EEPD1: variants seen among roughly 807,000 people sequenced by gnomAD.
EEPD1 encodes endonuclease/exonuclease/phosphatase family domain-containing protein 1.
A neutral mutation model predicts 46.3 loss-of-function variants in EEPD1; 17 were observed. That is an observed-to-expected ratio of 0.37 (90% CI 0.25 to 0.55). The LOEUF is 0.55. EEPD1 is among the 20% of genes least tolerant of loss of function. The probability of loss-of-function intolerance (pLI) is 0.83; values close to 1 mark genes in which losing one functional copy is unlikely to be tolerated. For synonymous variants in EEPD1, 313 were observed against 315.6 expected (o/e 0.99, Z 0.09); for missense variants, 673 against 745.6 (o/e 0.90, Z 1.13).
At chr7:36,208,531 T>C (rs557922006) in intron 2 of EEPD1, among the ~76,000 whole-genome samples, 10 of 152,238 alleles carry the variant, frequency 6.6e-5, no homozygotes, top group East Asian at 3.9e-4. Flanking sequence ...TGGTTGGGCA[T>C]TGGGGGTGTG....
In EEPD1 at chr7:36,153,447, G is replaced by A. The variant is rs768704061; in HGVS notation, c.-420G>A. The stretch of plus-strand genomic sequence containing the variant: ...CCGCCGCTGCCGCCGCCTCCGAGCA[G>A]CCCTGCGGCTTCTATTCACTCTGGG... On this transcript the variant is annotated 5_prime_UTR_variant, in exon 1 of 8. Coordinates refer to ENST00000242108, the MANE Select transcript of EEPD1 (RefSeq NM_030636.3). 1 of 152,242 alleles carries A rather than the reference G, an allele frequency of 6.6e-6. No individual in the cohort carries two copies. The highest frequency in any genetic ancestry group is 6.5e-5 in the Admixed American group (1 of 15,284). The allele number at this position is 152,242 out of a possible 1,614,324, so 9.4% of individuals were successfully genotyped here. A position where few individuals can be genotyped will look rare whatever the true frequency, so the allele number is the denominator to read the frequency against.
chr7:36,280,310 G>A (rs1019928242), intron 3 of EEPD1, among the ~76,000 whole-genome samples: 4 of 152,208 alleles, frequency 2.6e-5, no homozygotes, highest in African/African-American at 9.7e-5. Context: ...AGCGGAGAGA[G>A]TGGTGATGTG....
intron 2 of EEPD1, among the ~76,000 whole-genome samples, chr7:36,190,082 A>G (rs1785435015): frequency 6.6e-6 from 1 of 152,200 alleles, no homozygotes; most frequent in African/African-American, 2.4e-5. Context: ...TACAAAACAC[A>G]TAGTGAAGGC....
At chr7:36,178,957 G>A (rs1583790012) in intron 2 of EEPD1, among the ~76,000 whole-genome samples, 1 of 152,348 alleles carries the variant, frequency 6.6e-6, no homozygotes, top group East Asian at 1.9e-4. Flanking sequence ...GAATTCTGGG[G>A]ATTTGATTTA....
At chr7:36,297,224 G>A (rs1290529100) in intron 7 of EEPD1, 37 bp downstream of exon 7, 1 of 1,603,634 alleles carries the variant, frequency 6.2e-7, no homozygotes. Context: ...TCCTGTTCAG[G>A]AATGGAGTGA....
chr7:36,238,359 A>G (rs1391038624), intron 2 of EEPD1, among the ~76,000 whole-genome samples: 1 of 152,202 alleles, frequency 6.6e-6, no homozygotes, highest in Non-Finnish European at 1.5e-5. Flanking sequence ...AATACAGCCC[A>G]GTATGTCTTG....
At chr7:36,262,802 A>G (rs1267897586) in intron 3 of EEPD1, among the ~76,000 whole-genome samples, 1 of 152,114 alleles carries the variant, frequency 6.6e-6, no homozygotes, top group African/African-American at 2.4e-5. Flanking sequence ...CTGAGATCTT[A>G]TGGGGAAGCT....
rs899617236 is a variant in EEPD1, at chr7:36,154,077, G to C, written c.-192-56G>C. 2 of 558,614 alleles carry C rather than the reference G, an allele frequency of 3.6e-6. No individual in the cohort carries two copies. Among genetic ancestry groups the C allele is most frequent in the Non-Finnish European group, 6.3e-6 (2 of 315,910 alleles). The allele number at this position is 558,614 out of a possible 1,614,324, so 34.6% of individuals were successfully genotyped here. ...CTAACTCTAGCACTAGGTAGGGGGT[G>C]CTAATGCAAATTTCTTAATTCAATG... is the stretch of plus-strand genomic sequence containing the variant. On this transcript the variant is annotated intron_variant, in intron 1 of 7. Transcript: ENST00000242108. This position sits in a 1 kb window ranked among gnomAD's most constrained non-coding sequence, Gnocchi z 4.2.
intron 4 of EEPD1, among the ~76,000 whole-genome samples, chr7:36,283,054 C>T (rs1787285583): frequency 6.6e-6 from 1 of 152,200 alleles, no homozygotes; most frequent in Non-Finnish European, 1.5e-5. Context: ...CTCCCTAGGG[C>T]TTACACGATA....
At chr7:36,265,727 C>T (rs1787004568) in intron 3 of EEPD1, among the ~76,000 whole-genome samples, 1 of 152,278 alleles carries the variant, frequency 6.6e-6, no homozygotes, top group African/African-American at 2.4e-5. Flanking sequence ...AGGAAACCAT[C>T]TCTCTCCTGT....
At chr7:36,268,358 A>G (rs1022355429) in intron 3 of EEPD1, among the ~76,000 whole-genome samples, 5 of 151,986 alleles carry the variant, frequency 3.3e-5, no homozygotes, top group Non-Finnish European at 7.4e-5. Context: ...ACGGGGTTTC[A>G]CCATCTTGTC....
intron 2 of EEPD1, among the ~76,000 whole-genome samples, chr7:36,216,354 G>A (rs920088349): frequency 6.6e-6 from 1 of 152,168 alleles, no homozygotes; most frequent in Non-Finnish European, 1.5e-5. Context: ...ATTGGCAATC[G>A]TCAGTAAAAT....
intron 3 of EEPD1, among the ~76,000 whole-genome samples, chr7:36,241,075 G>T: frequency 6.6e-6 from 1 of 151,998 alleles, no homozygotes; most frequent in Admixed American, 6.6e-5. Context: ...TGTGTAAAGG[G>T]GTATGTGAGT....
intron 3 of EEPD1, among the ~76,000 whole-genome samples, chr7:36,272,577 C>A (rs1787126956): frequency 7.0e-6 from 1 of 143,728 alleles, no homozygotes; most frequent in South Asian, 2.3e-4. Flanking sequence ...TGGTTGGTAT[C>A]TTTGGGGCAC....
chr7:36,220,814 T>A (rs1786131858), intron 2 of EEPD1, among the ~76,000 whole-genome samples: 1 of 152,240 alleles, frequency 6.6e-6, no homozygotes, highest in Non-Finnish European at 1.5e-5. Flanking sequence ...TGTTTTGTTT[T>A]TTTGAGATGG....
chr7:36,183,875 G>GTTTT (rs35033256), intron 2 of EEPD1, among the ~76,000 whole-genome samples: 7 of 51,870 alleles, frequency 1.3e-4, no homozygotes, highest in Non-Finnish European at 1.9e-4. Flanking sequence ...CCTAGCCCTC[G>GTTTT]TTTTTTTTTT....
At chr7:36,179,065 T>A (rs1235701773) in intron 2 of EEPD1, among the ~76,000 whole-genome samples, 1 of 152,224 alleles carries the variant, frequency 6.6e-6, no homozygotes, top group Non-Finnish European at 1.5e-5. Flanking sequence ...ATGTATTAAT[T>A]TGCAAACCAA....
intron 2 of EEPD1, among the ~76,000 whole-genome samples, chr7:36,160,676 T>TGGGGGGGGGGGGGGGGG (rs150571892): frequency 2.7e-5 from 1 of 36,542 alleles, no homozygotes; most frequent in Non-Finnish European, 6.5e-5. Flanking sequence ...TGGGAGGTGG[T>TGGGGGGGGGGGGGGGGG]GGGGGGCGGG....
intron 4 of EEPD1, 72 bp downstream of exon 4, chr7:36,281,297 T>C (rs1787259239): frequency 2.9e-6 from 4 of 1,377,280 alleles, no homozygotes; most frequent in Non-Finnish European, 4.0e-6. Flanking sequence ...ATCAAGGGCA[T>C]TTAAAAATTT....
Sources: gnomAD v4.1 joint callset for allele counts (sites outside exome capture counted in the v4.1 genomes callset) on GRCh38, gnomAD v4.1.1 for gene constraint, Gnocchi (gnomAD v3.1) non-coding constraint, MANE v1.5 for transcripts, NCBI Gene and HGNC (gene_info 2026-07-23, HGNC 2026-07-21) for gene names.